KSR2: variants seen among roughly 807,000 people sequenced by gnomAD.
The protein encoded by KSR2 is kinase suppressor of ras 2.
A neutral mutation model predicts 107.8 loss-of-function variants in KSR2; 25 were observed. The observed-to-expected ratio is 0.23, with a 90% CI of 0.17 to 0.32. The LOEUF (loss-of-function observed/expected upper bound fraction) is 0.32, where lower values mean the gene tolerates loss of function less well. Among genes scored for constraint, KSR2 ranks in the 10% least tolerant of loss-of-function variants. The pLI, the probability that KSR2 is intolerant of heterozygous loss-of-function variation, is 1.00. For missense variants in KSR2, 887 were observed against 1,268.9 expected (o/e 0.70, Z 4.57); for synonymous variants, 480 against 507.0 (o/e 0.95, Z 0.71).
intron 3 of KSR2, among the ~76,000 whole-genome samples, chr12:117,812,842 C>CAAAAAAAAAAAAAAAAAAAAAAAAAA (rs3073170): frequency 4.2e-5 from 4 of 95,554 alleles, no homozygotes; most frequent in African/African-American, 1.8e-4. Context: ...CCCAAATAGC[C>CAAAAAAAAAAAAAAAAAAAAAAAAAA]AAAAAAAAAA....
intron 14 of KSR2, among the ~76,000 whole-genome samples, chr12:117,522,547 C>A (rs552099863): frequency 6.6e-6 from 1 of 152,130 alleles, no homozygotes; most frequent in Admixed American, 6.5e-5. Flanking sequence ...TGTAGTAAAT[C>A]GCAAAAATAG....
At chr12:117,863,332 G>A (rs538098413) in intron 1 of KSR2, among the ~76,000 whole-genome samples, 1 of 152,122 alleles carries the variant, frequency 6.6e-6, no homozygotes, top group Admixed American at 6.5e-5. Context: ...CTGGACCATC[G>A]TCCCTGCTGC....
chr12:117,967,200 A>G (rs1328787146), intron 1 of KSR2, among the ~76,000 whole-genome samples: 2 of 152,066 alleles, frequency 1.3e-5, no homozygotes, highest in Non-Finnish European at 2.9e-5. Context: ...CTTCTTTCTG[A>G]GTAACTTTGC....
chr12:117,650,005 TTC>T (rs1409911914), intron 5 of KSR2, among the ~76,000 whole-genome samples: 1 of 152,310 alleles, frequency 6.6e-6, no homozygotes, highest in East Asian at 1.9e-4. Flanking sequence ...CCAGCATTCA[TTC>T]TCTCTTTTAA....
At chr12:117,756,260 G>C (rs1266509963) in intron 4 of KSR2, among the ~76,000 whole-genome samples, 1 of 152,228 alleles carries the variant, frequency 6.6e-6, no homozygotes, top group South Asian at 2.1e-4. Context: ...CAGAGCTAGA[G>C]AGACGAAGTC....
At chr12:117,486,291 T>C (rs1429830298) in intron 14 of KSR2, among the ~76,000 whole-genome samples, 1 of 152,168 alleles carries the variant, frequency 6.6e-6, no homozygotes, top group South Asian at 2.1e-4. Flanking sequence ...ACCAGTAGTT[T>C]AAGATGAATG....
Position 117,968,396 on chromosome 12 carries a change from A to G in KSR2, c.-141T>C, listed in dbSNP as rs1593415251. ...TCATGAAGAAGAAATCCAACATCTC[A>G]CACAGGGTTGAGGGGGTGGGAGTGG... On this transcript the variant is annotated 5_prime_UTR_variant, in exon 1 of 20. Coordinates refer to ENST00000339824, the MANE Select transcript of KSR2 (RefSeq NM_173598.6). 1 of 1,367,424 alleles carries G rather than the reference A, an allele frequency of 7.3e-7. No individual in the cohort carries two copies. The highest frequency in any genetic ancestry group is 1.5e-5 in the African/African-American group (1 of 66,618). The allele number at this position is 1,367,424 out of a possible 1,614,324, so 84.7% of individuals were successfully genotyped here.
At chr12:117,861,705 T>C (rs991269380) in intron 1 of KSR2, among the ~76,000 whole-genome samples, 4 of 151,918 alleles carry the variant, frequency 2.6e-5, no homozygotes, top group Admixed American at 6.6e-5. Context: ...CCCAATTCTT[T>C]AGGGGAGGGA....
intron 4 of KSR2, among the ~76,000 whole-genome samples, chr12:117,754,225 T>C (rs1021502613): frequency 2.0e-5 from 3 of 152,094 alleles, no homozygotes; most frequent in Non-Finnish European, 4.4e-5. Context: ...TTTCTTGTCA[T>C]GCTCATTCTG....
chr12:117,704,422 C>T (rs1748808612), intron 4 of KSR2, among the ~76,000 whole-genome samples: 1 of 152,168 alleles, frequency 6.6e-6, no homozygotes. Flanking sequence ...ACAGCCTCAC[C>T]TGCAACCCAG....
chr12:117,523,011 G>A (rs1874861989), intron 14 of KSR2, among the ~76,000 whole-genome samples: 1 of 152,208 alleles, frequency 6.6e-6, no homozygotes, highest in Admixed American at 6.5e-5. Flanking sequence ...AGCCACTTCT[G>A]TCTTGTGCAG....
At chr12:117,660,144 A>G (rs1459821840) in intron 5 of KSR2, among the ~76,000 whole-genome samples, 2 of 152,228 alleles carry the variant, frequency 1.3e-5, no homozygotes, top group Non-Finnish European at 2.9e-5. Flanking sequence ...TTGACTTGCC[A>G]TGATTATACA....
At chr12:117,748,699 T>C (rs1255214785) in intron 4 of KSR2, among the ~76,000 whole-genome samples, 3 of 152,278 alleles carry the variant, frequency 2.0e-5, no homozygotes, top group African/African-American at 7.2e-5. Flanking sequence ...AGAAAACTTT[T>C]GTGTTAGTGA....
intron 1 of KSR2, among the ~76,000 whole-genome samples, chr12:117,889,054 T>C (rs1894262529): frequency 2.0e-5 from 3 of 152,186 alleles, no homozygotes; most frequent in Admixed American, 2.0e-4. Flanking sequence ...CTTACAGGTA[T>C]GGAAACCAAA....
At chr12:117,838,127 A>C (rs2466453) in intron 3 of KSR2, among the ~76,000 whole-genome samples, 64,761 of 152,148 alleles carry the variant, frequency 0.43, 15,380 homozygotes, top group Admixed American at 0.61. Context: ...AGTCTGATGC[A>C]GAACAGACCC....
chr12:117,691,801 G>A (rs1885825206), intron 4 of KSR2, among the ~76,000 whole-genome samples: 1 of 152,252 alleles, frequency 6.6e-6, no homozygotes, highest in South Asian at 2.1e-4. Flanking sequence ...AAGCTAGGAA[G>A]AAGTGTTCAT....
chr12:117,531,175 T>C (rs1448273651), intron 11 of KSR2, among the ~76,000 whole-genome samples, 162 bp from the exon 12 acceptor site: 3 of 152,218 alleles, frequency 2.0e-5, no homozygotes, highest in Non-Finnish European at 4.4e-5. Flanking sequence ...GGACTCTACC[T>C]GCTCAGCTGG....
rs1870984039 is a variant in KSR2 at position 117,463,091 on chromosome 12, T to G, written c.*4108A>C. The G allele has an allele frequency of 6.6e-6, 1 of 152,244 alleles. No individual in the cohort carries two copies. Among genetic ancestry groups the G allele is most frequent in the South Asian group, 2.1e-4 (1 of 4,832 alleles). 9.4% of individuals were successfully genotyped at this position (152,244 alleles called of 1,614,324 possible). A position where few individuals can be genotyped will look rare whatever the true frequency, so the allele number is the denominator to read the frequency against. On this transcript the variant is annotated 3_prime_UTR_variant, in exon 20 of 20. Coordinates refer to ENST00000339824, the MANE Select transcript of KSR2 (RefSeq NM_173598.6). ...TTAAGCCACTCAGTGTGTGACATTT[T>G]GTTATTATGGCCCCCCTTAGCAAAC... is the stretch of plus-strand genomic sequence containing the variant.
intron 7 of KSR2, among the ~76,000 whole-genome samples, chr12:117,570,331 G>A (rs1878801694): frequency 6.6e-6 from 1 of 152,154 alleles, no homozygotes; most frequent in Admixed American, 6.5e-5. Context: ...AGTGAGGAGG[G>A]GGTGCTACTG....
Sources: gnomAD v4.1 joint callset for allele counts (sites outside exome capture counted in the v4.1 genomes callset) on GRCh38, gnomAD v4.1.1 for gene constraint, MANE v1.5 for transcripts, NCBI Gene and HGNC (gene_info 2026-07-23, HGNC 2026-07-21) for gene names.